ANO1: variants seen among roughly 807,000 people sequenced by gnomAD.
ANO1 encodes anoctamin-1.
In ANO1, 59 loss-of-function variants were observed where a neutral mutation model predicts 124.0. The ratio of observed to expected loss-of-function variants is 0.48; its 90% CI spans 0.39 to 0.59. ANO1 has a LOEUF of 0.59. Among genes scored for constraint, ANO1 ranks in the 20% least tolerant of loss-of-function variants. ANO1 has a pLI of 0.00. For synonymous variants in ANO1, 529 were observed against 532.0 expected (o/e 0.99, Z 0.08); for missense variants, 1,059 against 1,328.0 (o/e 0.80, Z 3.15).
At chr11:69,993,713 G>C (rs1455660493) in intron 1 of ANO1, among the ~76,000 whole-genome samples, 1 of 152,150 alleles carries the variant, frequency 6.6e-6, no homozygotes, top group Non-Finnish European at 1.5e-5. Flanking sequence ...TTTCGAATCT[G>C]TCCACTGCTT....
chr11:70,107,833 G>T (rs2045619416), intron 5 of ANO1, among the ~76,000 whole-genome samples: 1 of 152,130 alleles, frequency 6.6e-6, no homozygotes, highest in Non-Finnish European at 1.5e-5. Context: ...CAGGCACCAG[G>T]AACCCAGAGC....
At chr11:70,170,045 G>A in intron 21 of ANO1, 1 of 405,644 alleles carries the variant, frequency 2.5e-6, no homozygotes, top group Middle Eastern at 3.6e-4. Flanking sequence ...CGGGTGGGAT[G>A]ATCCCCAGGG....
chr11:70,090,224 G>C (rs953300526), intron 2 of ANO1, among the ~76,000 whole-genome samples: 27 of 152,166 alleles, frequency 1.8e-4, no homozygotes, highest in Non-Finnish European at 4.4e-5. Flanking sequence ...AGCCAGGATG[G>C]TCTCGATCTC....
At chr11:70,161,138 G>A (rs1176986434) in intron 16 of ANO1, 23 bp from the exon 17 acceptor site, 1 of 1,605,762 alleles carries the variant, frequency 6.2e-7, no homozygotes, top group African/African-American at 1.3e-5. Context: ...CCCCAACCAA[G>A]AGTGCCCCTT....
chr11:70,066,106 G>A (rs1857710956), intron 1 of ANO1, among the ~76,000 whole-genome samples: 1 of 152,210 alleles, frequency 6.6e-6, no homozygotes, highest in Non-Finnish European at 1.5e-5. Flanking sequence ...CCCAGCCCCG[G>A]TTCTGTGTCT....
the ANO1 span, among the ~76,000 whole-genome samples, chr11:69,976,711 T>C: frequency 6.6e-6 from 1 of 152,060 alleles, no homozygotes; most frequent in East Asian, 1.9e-4. Flanking sequence ...TTCCAGCCTC[T>C]AAGACAATGT....
intron 2 of ANO1, among the ~76,000 whole-genome samples, chr11:70,090,242 C>T (rs1046224281): frequency 6.6e-6 from 1 of 152,202 alleles, no homozygotes; most frequent in Admixed American, 6.5e-5. Flanking sequence ...CTCCTGATCT[C>T]GTGGTCCGCC....
chr11:70,161,826 G>A lies in ANO1; in HGVS notation c.1892+93G>A, dbSNP rs35589780. On this transcript the variant is annotated intron_variant, in intron 18 of 25. Coordinates refer to ENST00000355303, the MANE Select transcript of ANO1 (RefSeq NM_018043.7). ...ACAGGTTGGGGGCACCTGGAGCCCA[G>A]GGCAGGGCAGACACCGTGGCACCCG... is the stretch of plus-strand genomic sequence containing the variant. The A allele has an allele frequency of 4.0e-6, 5 of 1,265,414 alleles. No homozygotes were observed. In the African/African-American group the frequency reaches 7.4e-5, roughly 19 times the overall value. 78.4% of individuals were successfully genotyped at this position (1,265,414 alleles called of 1,614,324 possible).
At chr11:70,157,357 ACT>A (rs1240806401) in intron 16 of ANO1, among the ~76,000 whole-genome samples, 4 of 122,264 alleles carry the variant, frequency 3.3e-5, no homozygotes, top group East Asian at 2.7e-4. Context: ...ACAGAGCAAG[ACT>A]CTGTCTCAAA....
chr11:70,116,398 G>A (rs2045975761), intron 7 of ANO1, 60 bp from the exon 8 acceptor site: 4 of 1,486,448 alleles, frequency 2.7e-6, no homozygotes, highest in Non-Finnish European at 2.8e-6. Context: ...CATAATGGAT[G>A]TGAGCGCCTC....
At chr11:70,185,439 A>G (rs2049074867) in intron 24 of ANO1, 151 bp from the exon 25 acceptor site, 1 of 663,178 alleles carries the variant, frequency 1.5e-6, no homozygotes, top group South Asian at 1.9e-5. Flanking sequence ...GTGCGGGGCC[A>G]TGGGCTGCTC....
chr11:70,040,496 G>C (rs1857166606), intron 1 of ANO1, among the ~76,000 whole-genome samples: 1 of 152,166 alleles, frequency 6.6e-6, no homozygotes, highest in Non-Finnish European at 1.5e-5. Context: ...GGCCAACATA[G>C]TGAAACCCGT....
chr11:70,031,691 C>A (rs1395145351), intron 1 of ANO1, among the ~76,000 whole-genome samples: 3 of 152,192 alleles, frequency 2.0e-5, no homozygotes, highest in African/African-American at 7.2e-5. Context: ...TCCAAAGACC[C>A]CTTCAGTGCT....
At chr11:69,988,556 C>T (rs1448100854) in intron 1 of ANO1, among the ~76,000 whole-genome samples, 6 of 152,112 alleles carry the variant, frequency 3.9e-5, no homozygotes, top group African/African-American at 7.2e-5. Flanking sequence ...GAAGTCACAC[C>T]GAGTGCTCTG....
chr11:70,182,779 A>T, intron 24 of ANO1, 93 bp downstream of exon 24: 1 of 1,150,370 alleles, frequency 8.7e-7, no homozygotes, highest in Non-Finnish European at 1.2e-6. Flanking sequence ...GGAGCAAGTC[A>T]TGAAACAACG....
intron 11 of ANO1, 109 bp downstream of exon 11, chr11:70,132,188 GA>G: frequency 7.3e-7 from 1 of 1,373,938 alleles, no homozygotes; most frequent in Non-Finnish European, 9.7e-7. Context: ...GGGTTGTCGG[GA>G]AAAAACATAG....
At chr11:70,046,891 C>T (rs530802662) in intron 1 of ANO1, among the ~76,000 whole-genome samples, 6 of 151,826 alleles carry the variant, frequency 4.0e-5, no homozygotes, top group Admixed American at 2.0e-4. Flanking sequence ...CTGGCCAACA[C>T]GGTGAAACCC....
At chr11:70,146,458 A>G (rs2047382593) in intron 11 of ANO1, among the ~76,000 whole-genome samples, 1 of 152,182 alleles carries the variant, frequency 6.6e-6, no homozygotes, top group East Asian at 1.9e-4. Flanking sequence ...GGTGAGTGTC[A>G]TAATGGAGGC....
At chr11:70,048,054 G>A (rs1326586838) in intron 1 of ANO1, among the ~76,000 whole-genome samples, 2 of 152,070 alleles carry the variant, frequency 1.3e-5, no homozygotes, top group Admixed American at 1.3e-4. Context: ...AAATAAAATG[G>A]CTTTTCCAAA....
Sources: gnomAD v4.1 joint callset for allele counts (sites outside exome capture counted in the v4.1 genomes callset) on GRCh38, gnomAD v4.1.1 for gene constraint, MANE v1.5 for transcripts, NCBI Gene and HGNC (gene_info 2026-07-23, HGNC 2026-07-21) for gene names.